SEL1L3: variants seen among roughly 807,000 people sequenced by gnomAD.
SEL1L3 encodes protein sel-1 homolog 3.
A neutral mutation model predicts 142.8 loss-of-function variants in SEL1L3; 76 were observed. The ratio of observed to expected loss-of-function variants is 0.53; its 90% CI spans 0.44 to 0.64. SEL1L3 has a LOEUF of 0.64. Among genes scored for constraint, SEL1L3 ranks in the 30% least tolerant of loss-of-function variants. The probability of loss-of-function intolerance (pLI) is 0.00; values close to 1 mark genes in which losing one functional copy is unlikely to be tolerated. For missense variants in SEL1L3, 1,262 were observed against 1,381.7 expected, an observed-to-expected ratio of 0.91 and a Z score of 1.37; for synonymous variants, 504 against 519.6, an observed-to-expected ratio of 0.97 and a Z score of 0.41.
In SEL1L3 at chr4:25,748,301, CA is replaced by C; in HGVS notation, c.*123del. The C allele has an allele frequency of 1.9e-6, 2 of 1,066,556 alleles. No individual in the cohort carries two copies. Among genetic ancestry groups the C allele is most frequent in the Non-Finnish European group, 2.6e-6 (2 of 756,070 alleles). The allele number at this position is 1,066,556 out of a possible 1,614,324, so 66.1% of individuals were successfully genotyped here. ...ACTTTAAAAAAAATGACACCAATTG[CA>C]AAATTTGCATCCAGTTGACAAGACA... is the stretch of plus-strand genomic sequence containing the variant. On this transcript the variant is annotated 3_prime_UTR_variant, in exon 24 of 24. Coordinates refer to ENST00000399878, the MANE Select transcript of SEL1L3 (RefSeq NM_015187.5).
chr4:25,824,258 T>C (rs1337546785), intron 6 of SEL1L3, among the ~76,000 whole-genome samples: 1 of 152,132 alleles, frequency 6.6e-6, no homozygotes, highest in Non-Finnish European at 1.5e-5. Flanking sequence ...GCAACACTTC[T>C]GCAGTAGGAA....
rs114153515 is a variant in SEL1L3 at position 25,793,980 on chromosome 4, A to T, written c.1957-3406T>A. The stretch of plus-strand genomic sequence containing the variant: ...GAGAAATGGCTAGCCATATGCAGAA[A>T]ATTGAAATTGGACCCCTTCCTTATA... On this transcript the variant is annotated intron_variant, in intron 11 of 23. Coordinates refer to ENST00000399878, the MANE Select transcript of SEL1L3 (RefSeq NM_015187.5). 3.8e-3 allele frequency among the ~76,000 whole-genome samples: 586 copies of T among 152,364 alleles called. 5 individuals are homozygous for T. Among genetic ancestry groups the T allele is most frequent in the African/African-American group, 0.013 (528 of 41,582 alleles).
At chr4:25,863,507 C>T (rs1161112756), upstream of SEL1L3, 3 of 702,696 alleles carry the variant, frequency 4.3e-6, no homozygotes, top group Non-Finnish European at 7.8e-6. Context: ...TTGGCCGGGG[C>T]GCCATTCCCG....
At chr4:25,724,575 TAAA>T in the SEL1L3 span, among the ~76,000 whole-genome samples, 1 of 150,782 alleles carries the variant, frequency 6.6e-6, no homozygotes, top group Non-Finnish European at 1.5e-5. Context: ...CCGTCTCTAC[TAAA>T]AATACAAAAA....
At chr4:25,759,158 C>G (rs534011824) in intron 20 of SEL1L3, 90 bp from the exon 21 acceptor site, 1 of 1,450,382 alleles carries the variant, frequency 6.9e-7, no homozygotes, top group African/African-American at 1.4e-5. Context: ...TTTACAACCT[C>G]TAAAATTTTT....
rs533038742 is a variant in SEL1L3 at position 25,831,254 on chromosome 4, C to T, written c.1099-1098G>A. On this transcript the variant is annotated intron_variant, in intron 5 of 23. Coordinates refer to ENST00000399878, the MANE Select transcript of SEL1L3 (RefSeq NM_015187.5). ...TATCCAAGATTCTCTGCATTCTACT[C>T]CTAAATACGTATTTTCCCTTCTATT... Among the ~76,000 whole-genome samples the T allele has an allele frequency of 3.9e-5, 6 of 152,120 alleles. No individual in the cohort carries two copies. In the South Asian group the frequency reaches 1.0e-3, roughly 26 times the overall value.
At chr4:25,758,763 C>T (rs530753445) in intron 21 of SEL1L3, among the ~76,000 whole-genome samples, 178 bp downstream of exon 21, 13 of 152,034 alleles carry the variant, frequency 8.6e-5, no homozygotes, top group South Asian at 2.1e-4. Flanking sequence ...ATCTGCCCGC[C>T]TCAGCCTCCC....
intron 6 of SEL1L3, among the ~76,000 whole-genome samples, chr4:25,828,390 GTT>G (rs59020419): frequency 7.1e-6 from 1 of 140,752 alleles, no homozygotes. Flanking sequence ...TTATCTTTTC[GTT>G]TTTTTTTTTT....
intron 1 of SEL1L3, among the ~76,000 whole-genome samples, chr4:25,859,702 G>A (rs1357155021): frequency 6.6e-6 from 1 of 152,182 alleles, no homozygotes; most frequent in Non-Finnish European, 1.5e-5. Context: ...CTGTACACTT[G>A]TATGCACATT....
intron 1 of SEL1L3, among the ~76,000 whole-genome samples, chr4:25,851,867 G>A (rs1211547369): frequency 4.4e-5 from 6 of 135,622 alleles, no homozygotes; most frequent in African/African-American, 8.9e-5. Context: ...CCAGCCTGGC[G>A]ACAGAGTGAG....
chr4:25,774,880 G>C (rs577546660), intron 17 of SEL1L3, among the ~76,000 whole-genome samples: 3 of 151,652 alleles, frequency 2.0e-5, no homozygotes, highest in African/African-American at 7.3e-5. Flanking sequence ...AGGCAAGAAA[G>C]CTAAGGAACT....
intron 6 of SEL1L3, among the ~76,000 whole-genome samples, chr4:25,827,085 T>C (rs1382745067): frequency 6.6e-6 from 1 of 152,260 alleles, no homozygotes; most frequent in African/African-American, 2.4e-5. Flanking sequence ...ATTATGTCTT[T>C]ACTTAAAATT....
chr4:25,770,755 AAAAG>A (rs1719113278), intron 17 of SEL1L3, among the ~76,000 whole-genome samples: 1 of 150,102 alleles, frequency 6.7e-6, no homozygotes, highest in South Asian at 2.1e-4. Context: ...AAAAAAAAAA[AAAAG>A]AAAAGAAAAG....
chr4:25,846,883 A>G (rs918141835), intron 2 of SEL1L3, among the ~76,000 whole-genome samples: 1 of 134,070 alleles, frequency 7.5e-6, no homozygotes, highest in African/African-American at 2.9e-5. Flanking sequence ...ACTGCACTCC[A>G]GCCTGGGCAA....
chr4:25,818,260 T>C lies in SEL1L3; in HGVS notation c.1442A>G (p.Tyr481Cys), dbSNP rs1387890985. 1.5e-5 allele frequency: 24 copies of C among 1,601,390 alleles called. No individual in the cohort carries two copies. The highest frequency in any genetic ancestry group is 2.0e-5 in the Non-Finnish European group (23 of 1,173,940). ...CCCATACCTGCGCTGGAGGTCCAGG[T>C]AGGAGTTGTGGAGGTGGCCTACACA... Reference protein sequence around the residue: ...RQEACHLHNSYLDLQRRYGRP... With the variant: ...RQEACHLHNSCLDLQRRYGRP... The change falls in exon 9 of 24, where the codon TAC becomes TGC. Residue 481 changes from tyrosine (Y) to cysteine (C), a missense_variant. Coordinates refer to ENST00000399878, the MANE Select transcript of SEL1L3 (RefSeq NM_015187.5).
At chr4:25,753,483 A>G (rs951865174) in intron 23 of SEL1L3, among the ~76,000 whole-genome samples, 2 of 152,202 alleles carry the variant, frequency 1.3e-5, no homozygotes, top group South Asian at 2.1e-4. Flanking sequence ...TGGCTGCTAC[A>G]TGCACCCATC....
intron 16 of SEL1L3, 94 bp downstream of exon 16, chr4:25,778,982 G>C (rs552174850): frequency 8.6e-7 from 1 of 1,160,588 alleles, no homozygotes; most frequent in Non-Finnish European, 1.2e-6. Context: ...ATGTACAACT[G>C]GTAAAAATAA....
intron 9 of SEL1L3, among the ~76,000 whole-genome samples, chr4:25,808,351 G>A (rs1377564559): frequency 6.6e-6 from 1 of 152,124 alleles, no homozygotes; most frequent in African/African-American, 2.4e-5. Context: ...ATGTAGCCCA[G>A]AATCATTTAT....
rs1298004822 is a variant in SEL1L3 at position 25,862,740 on chromosome 4, T to C, written c.97A>G (p.Ser33Gly). 1 of 1,255,192 alleles carries C rather than the reference T, an allele frequency of 8.0e-7. No individual in the cohort carries two copies. Among genetic ancestry groups the C allele is most frequent in the Non-Finnish European group, 1.0e-6 (1 of 1,000,750 alleles). The allele number at this position is 1,255,192 out of a possible 1,614,324, so 77.8% of individuals were successfully genotyped here. A position where few individuals can be genotyped will look rare whatever the true frequency, so the allele number is the denominator to read the frequency against. Residue 33 changes from serine (S) to glycine (G), a missense_variant, in exon 1 of 24, where the codon AGT becomes GGT. Physicochemically the swap from Ser to Gly is moderately conservative, Grantham distance 56 (BLOSUM62 0). This residue lies in a region of SEL1L3 where 689 missense variants were observed against 692.8 expected (regional missense o/e 0.99). Coordinates refer to ENST00000399878, the MANE Select transcript of SEL1L3 (RefSeq NM_015187.5). ...VGPRAAAMVP[S>G]GGVPQGLGGR... Reference sequence around the variant, plus strand: ...CCGAGGCCCTGGGGGACGCCGCCACTCGGGACCATGGCTGCGGCCCGGGGG... The same window carrying C: ...CCGAGGCCCTGGGGGACGCCGCCACCCGGGACCATGGCTGCGGCCCGGGGG...
Sources: allele counts gnomAD v4.1 joint callset (sites outside exome capture counted in the v4.1 genomes callset), GRCh38; gene constraint gnomAD v4.1.1; regional missense constraint gnomAD v4.1.1; transcripts MANE v1.5; gene names NCBI Gene and HGNC (gene_info 2026-07-23, HGNC 2026-07-21).